The following MAGI1 variants were observed in gnomAD, a reference collection of about 807,000 sequenced individuals.
MAGI1 encodes the protein membrane associated guanylate kinase, WW and PDZ domain containing 1.
A neutral mutation model predicts 139.9 loss-of-function variants in MAGI1; 58 were observed. That is an observed-to-expected ratio of 0.41 (90% CI 0.34 to 0.52). The LOEUF (loss-of-function observed/expected upper bound fraction) is 0.52. Among genes scored for constraint, MAGI1 ranks in the 20% least tolerant of loss-of-function variants. The pLI, the probability that MAGI1 is intolerant of heterozygous loss-of-function variation, is 0.12. For missense variants in MAGI1, 1,874 were observed against 1,901.6 expected, an observed-to-expected ratio of 0.99 and a Z score of 0.27; for synonymous variants, 812 against 737.9, an observed-to-expected ratio of 1.10 and a Z score of -1.63.
At chr3:65,959,286 T>C (rs535421654) in intron 1 of MAGI1, among the ~76,000 whole-genome samples, 2 of 152,298 alleles carry the variant, frequency 1.3e-5, no homozygotes, top group South Asian at 4.1e-4. Flanking sequence ...TCTACTCCCT[T>C]AAGACATTAT....
At chr3:65,442,973 G>A in intron 7 of MAGI1, 124 bp from the exon 8 acceptor site, 1 of 599,024 alleles carries the variant, frequency 1.7e-6, no homozygotes, top group Non-Finnish European at 2.9e-6. Context: ...AATTAAAACT[G>A]TATATCCTAA....
At chr3:65,619,286 C>T (rs1030982050) in intron 2 of MAGI1, among the ~76,000 whole-genome samples, 1 of 152,166 alleles carries the variant, frequency 6.6e-6, no homozygotes, top group Admixed American at 6.5e-5. Context: ...CCTGCATTTC[C>T]TTTGCCAGAG....
chr3:65,873,529 C>T (rs2060009105), intron 1 of MAGI1: 1 of 152,190 alleles, frequency 6.6e-6, no homozygotes, highest in African/African-American at 2.4e-5. Context: ...TGTTTATTCC[C>T]TCTGATCACA....
chr3:66,000,694 C>G (rs2066697301), intron 1 of MAGI1, among the ~76,000 whole-genome samples: 1 of 152,238 alleles, frequency 6.6e-6, no homozygotes, highest in Non-Finnish European at 1.5e-5. Context: ...TGGGGCAGGA[C>G]TCAGCACAAG....
At chr3:65,867,071 T>G (rs969275136) in intron 1 of MAGI1, among the ~76,000 whole-genome samples, 1 of 152,200 alleles carries the variant, frequency 6.6e-6, no homozygotes, top group Admixed American at 6.5e-5. Context: ...GTGAGTTGCT[T>G]AGTTTCCTGA....
At chr3:65,395,750 C>T (rs1267643709) in intron 13 of MAGI1, among the ~76,000 whole-genome samples, 1 of 151,198 alleles carries the variant, frequency 6.6e-6, no homozygotes, top group East Asian at 1.9e-4. Context: ...GGCCACATAA[C>T]GCATGAGCCC....
intron 2 of MAGI1, among the ~76,000 whole-genome samples, chr3:65,510,516 C>T (rs370833290): frequency 1.3e-5 from 2 of 149,256 alleles, no homozygotes; most frequent in Non-Finnish European, 3.0e-5. Context: ...TGCAGAAGCC[C>T]CAGGAGCCGA....
chr3:65,875,061 C>A (rs543187109), intron 1 of MAGI1: 10 of 152,578 alleles, frequency 6.6e-5, no homozygotes, highest in African/African-American at 2.4e-4. Context: ...CTACAAAAAA[C>A]AAATAAACAA....
chr3:65,994,771 G>A (rs146044686), intron 1 of MAGI1, among the ~76,000 whole-genome samples: 37 of 152,286 alleles, frequency 2.4e-4, no homozygotes, highest in African/African-American at 8.7e-4. Flanking sequence ...TTAAAGTGGT[G>A]CACAAGCCCT....
At chr3:65,855,459 C>T (rs1377544235) in intron 1 of MAGI1, among the ~76,000 whole-genome samples, 1 of 146,934 alleles carries the variant, frequency 6.8e-6, no homozygotes. Context: ...TAAAATGGCC[C>T]AGCATAGTGG....
intron 1 of MAGI1, among the ~76,000 whole-genome samples, chr3:65,849,093 G>A (rs563236978): frequency 5.4e-5 from 7 of 129,592 alleles, no homozygotes; most frequent in South Asian, 2.5e-4. Flanking sequence ...GCGCAATCTC[G>A]GCTCACTGGA....
chr3:65,792,058 TAAAAA>T (rs201257215), intron 1 of MAGI1, among the ~76,000 whole-genome samples: 1 of 151,944 alleles, frequency 6.6e-6, no homozygotes, highest in Non-Finnish European at 1.5e-5. Context: ...ATACTTCTGA[TAAAAA>T]AATCAATTTA....
chr3:65,891,636 A>ACT (rs2060751069), intron 1 of MAGI1, among the ~76,000 whole-genome samples: 1 of 149,994 alleles, frequency 6.7e-6, no homozygotes, highest in Admixed American at 6.7e-5. Context: ...AAGCAACCAT[A>ACT]CTCCAAAGTA....
chr3:65,812,733 A>C (rs1264160931), intron 1 of MAGI1, among the ~76,000 whole-genome samples: 1 of 86,204 alleles, frequency 1.2e-5, no homozygotes, highest in Non-Finnish European at 2.1e-5. Context: ...TTTTTGAGAC[A>C]GAGTTTTGCT....
chr3:65,900,013 G>A (rs1214359492), intron 1 of MAGI1, among the ~76,000 whole-genome samples: 1 of 151,256 alleles, frequency 6.6e-6, no homozygotes, highest in African/African-American at 2.5e-5. Flanking sequence ...TTAGATCAAA[G>A]GGAGTAATCA....
intron 1 of MAGI1, among the ~76,000 whole-genome samples, chr3:65,739,378 C>G (rs1267065076): frequency 6.6e-6 from 1 of 152,188 alleles, no homozygotes; most frequent in Non-Finnish European, 1.5e-5. Context: ...GTTTAATCTT[C>G]TATCCAGACC....
rs146445225 is a variant in MAGI1 at position 65,545,586 on chromosome 3, T to G, written c.431-51955A>C. ...CCTTTATTGTGATGAAATTATAAAT[T>G]CTTAGATGACTCATATTCTAGCCAT... On this transcript the variant is annotated intron_variant, in intron 2 of 22. Transcript: ENST00000402939. Among the ~76,000 whole-genome samples, 597 of 152,272 alleles carry G rather than the reference T, an allele frequency of 3.9e-3. 5 individuals are homozygous for G. The highest frequency in any genetic ancestry group is 0.014 in the African/African-American group (574 of 41,556).
At position 65,932,029 on chromosome 3, in the gene MAGI1, A is replaced by G. The variant is rs182903742; in HGVS notation, c.313+105967T>C. 8.5e-5 allele frequency among the ~76,000 whole-genome samples: 13 copies of G among 152,350 alleles called. No individual in the cohort carries two copies. The East Asian group carries it at 1.7e-3, about 20-fold the overall frequency. ...GCCACAGAGATAAATCAACAGATTG[A>G]AAATCCAAACACATGGAAACAGGGG... is the stretch of plus-strand genomic sequence containing the variant. On this transcript the variant is annotated intron_variant, in intron 1 of 22. Coordinates refer to ENST00000402939, the MANE Select transcript of MAGI1 (RefSeq NM_001033057.2).
At chr3:65,455,489 T>A (rs1427781343) in intron 5 of MAGI1, among the ~76,000 whole-genome samples, 3 of 152,142 alleles carry the variant, frequency 2.0e-5, no homozygotes, top group Non-Finnish European at 4.4e-5. Context: ...GCCAGGTGGA[T>A]TGCTTGAGCT....
Sources: allele counts gnomAD v4.1 joint callset (sites outside exome capture counted in the v4.1 genomes callset), GRCh38; gene constraint gnomAD v4.1.1; transcripts MANE v1.5; gene names NCBI Gene and HGNC (gene_info 2026-07-23, HGNC 2026-07-21).